The following ABCA4 variants were observed in gnomAD, a reference collection of about 807,000 sequenced individuals.
ABCA4 encodes retinal-specific phospholipid-transporting ATPase ABCA4.
ABCA4 carries 196 observed loss-of-function variants against 263.7 expected under a neutral mutation model. The ratio of observed to expected loss-of-function variants is 0.74; its 90% confidence interval spans 0.66 to 0.84. The LOEUF is 0.84. ABCA4 is among the 40% of genes least tolerant of loss of function. The pLI, the probability that ABCA4 is intolerant of heterozygous loss-of-function variation, is 0.00. For synonymous variants in ABCA4, 1,133 were observed against 1,094.2 expected (o/e 1.04, Z -0.70); for missense variants, 2,792 against 2,855.1 (o/e 0.98, Z 0.50).
At chr1:94,027,660 A>G (rs1249751529) in intron 30 of ABCA4, among the ~76,000 whole-genome samples, 2 of 152,214 alleles carry the variant, frequency 1.3e-5, no homozygotes, top group Non-Finnish European at 2.9e-5. Context: ...ACCATTTATA[A>G]ACCAGACTGT....
chr1:94,025,912 G>A (rs11165065), intron 30 of ABCA4, among the ~76,000 whole-genome samples: 38,970 of 152,152 alleles, frequency 0.26, 5,240 homozygotes, highest in Non-Finnish European at 0.3. Context: ...GCATACAGAT[G>A]ACACAGTTGA....
At chr1:93,998,900 G>A (rs1174758437) in intron 47 of ABCA4, among the ~76,000 whole-genome samples, 4 of 135,704 alleles carry the variant, frequency 2.9e-5, no homozygotes, top group African/African-American at 1.3e-4. Context: ...CACCACACTC[G>A]GCTAATTTTT....
chr1:93,999,621 C>T (rs1034774277), intron 47 of ABCA4, among the ~76,000 whole-genome samples: 1 of 152,146 alleles, frequency 6.6e-6, no homozygotes, highest in Non-Finnish European at 1.5e-5. Context: ...GGTGTCAGTA[C>T]CCTATGCCCT....
chr1:94,120,875 A>ACC, intron 1 of ABCA4, 105 bp downstream of exon 1: 18 of 758,280 alleles, frequency 2.4e-5, no homozygotes, highest in Admixed American at 2.3e-4. Flanking sequence ...ACTGCTCACA[A>ACC]CCCCCCACCC....
At chr1:94,111,368 A>T in intron 3 of ABCA4, 70 bp downstream of exon 3, 1 of 1,575,872 alleles carries the variant, frequency 6.3e-7, no homozygotes, top group Non-Finnish European at 8.7e-7. Flanking sequence ...CCGTGCACGC[A>T]CGTGTGCATT....
chr1:94,089,215 A>C (rs555092199), intron 6 of ABCA4, among the ~76,000 whole-genome samples: 2 of 152,322 alleles, frequency 1.3e-5, no homozygotes, highest in African/African-American at 4.8e-5. Flanking sequence ...AAATTATTTG[A>C]CTTTGAACAA....
rs61782235 is a variant in ABCA4, at chr1:94,004,495, C to T, written c.6147+946G>A. ...TATTTGTAGTTCTTCTCCCCCGCTC[C>T]ACCCTGCCCAAGAATGAGGATATAG... On this transcript the variant is annotated intron_variant, in intron 44 of 49. Transcript: ENST00000370225. Among the ~76,000 whole-genome samples the T allele has an allele frequency of 3.3e-3, 499 of 152,288 alleles. 4 individuals are homozygous for T. The highest frequency in any genetic ancestry group is 0.012 in the African/African-American group (485 of 41,560).
intron 4 of ABCA4, among the ~76,000 whole-genome samples, chr1:94,107,163 G>A (rs1662456620): frequency 6.6e-6 from 1 of 152,124 alleles, no homozygotes; most frequent in Admixed American, 6.5e-5. Context: ...ACCCCTTGGT[G>A]ACCCCTTTCT....
rs1461159480 is a variant in ABCA4 at position 94,040,062 on chromosome 1, A to C, written c.3588T>G (p.Thr1196=). The change falls in exon 24 of 50, where the codon ACT becomes ACG. Residue 1196 remains threonine (T), a synonymous_variant. Transcript: ENST00000370225. ...CCTTACCATCCAGGACTTGTTCTGG[A>C]GTTAGGTCATCGACGTGGGCTGGAC... The part of the protein sequence containing the change: ...TTCPAHVDDL[T]PEQVLDGDVN... 2 of 1,607,352 alleles carry C rather than the reference A, an allele frequency of 1.2e-6. No homozygotes were observed. Among genetic ancestry groups the C allele is most frequent in the Non-Finnish European group, 1.7e-6 (2 of 1,176,596 alleles).
Position 93,992,961 on chromosome 1 carries a change from G to A in ABCA4, c.*276C>T, listed in dbSNP as rs1658908940. On this transcript the variant is annotated 3_prime_UTR_variant, in exon 50 of 50. Transcript: ENST00000370225. The stretch of plus-strand genomic sequence containing the variant: ...AGCAATATGGAGGCCAAAGCTGCTA[G>A]TGGGATGGCCCGGGGTTTCTAGTTC... The A allele has an allele frequency of 1.9e-6, 1 of 527,154 alleles. No homozygotes were observed. The highest frequency in any genetic ancestry group is 2.2e-5 in the South Asian group (1 of 44,906). The allele number at this position is 527,154 out of a possible 1,614,324, so 32.7% of individuals were successfully genotyped here. A position where few individuals can be genotyped will look rare whatever the true frequency, so the allele number is the denominator to read the frequency against.
At chr1:94,076,372 G>A (rs901237428) in intron 11 of ABCA4, among the ~76,000 whole-genome samples, 6 of 152,210 alleles carry the variant, frequency 3.9e-5, no homozygotes, top group African/African-American at 1.4e-4. Context: ...GAGGCGAGTA[G>A]AAAAGTGAGG....
chr1:94,015,927 G>A (rs1557766203), intron 36 of ABCA4, 73 bp from the exon 37 acceptor site: 2 of 1,297,042 alleles, frequency 1.5e-6, no homozygotes, highest in South Asian at 2.5e-5. Flanking sequence ...ATGAGGGGTG[G>A]GGCCAGGCTC....
intron 24 of ABCA4, 81 bp downstream of exon 24, chr1:94,039,962 A>T (rs1047585970): frequency 8.2e-7 from 1 of 1,213,142 alleles, no homozygotes. Flanking sequence ...TCCCATTAAA[A>T]TGCATCACAA....
At position 94,048,930 on chromosome 1, in the gene ABCA4, A is replaced by G; in HGVS notation, c.2681T>C (p.Leu894Pro). ...CTCTGTTAGGGGCTCGGTCTTTTCC[A>G]GGGCTCTTTCTTCTCTGGTTGAACA... ...EGCSTREERA[L>P]EKTEPLTEET... is the part of the protein sequence containing the mutation. The change falls in exon 18 of 50, where the codon CTG becomes CCG. Residue 894 changes from leucine to proline, a missense_variant. Physicochemically the swap from Leu to Pro is moderately conservative, Grantham distance 98. Transcript: ENST00000370225. 6.2e-7 allele frequency: 1 copy of G among 1,613,928 alleles called. No individual in the cohort carries two copies.
chr1:94,020,623 G>C (rs1004158232), intron 35 of ABCA4, among the ~76,000 whole-genome samples: 1 of 152,198 alleles, frequency 6.6e-6, no homozygotes, highest in Non-Finnish European at 1.5e-5. Flanking sequence ...ATGACCCTGG[G>C]CATGTTCACT....
intron 12 of ABCA4, 142 bp from the exon 13 acceptor site, chr1:94,062,895 C>T: frequency 9.2e-7 from 1 of 1,087,896 alleles, no homozygotes. Context: ...ATTTCCTAGT[C>T]CTCAGTTTAA....
rs146314180 is a variant in ABCA4 at position 94,053,277 on chromosome 1, C to T, written c.2588-1579G>A. On this transcript the variant is annotated intron_variant, in intron 16 of 49. Transcript: ENST00000370225. Reference sequence around the variant, plus strand: ...CACATTTCCAGCTGGCATCTGAAGACGGGGAAGCCTTGTGGGACTGAACCC... The same window carrying T: ...CACATTTCCAGCTGGCATCTGAAGATGGGGAAGCCTTGTGGGACTGAACCC... Among the ~76,000 whole-genome samples the T allele has an allele frequency of 2.4e-3, 371 of 152,268 alleles. 1 individual carries two copies. The highest frequency in any genetic ancestry group is 4.5e-3 in the Admixed American group (69 of 15,296).
chr1:94,061,720 C>G (rs1661134519), intron 13 of ABCA4, among the ~76,000 whole-genome samples: 1 of 152,236 alleles, frequency 6.6e-6, no homozygotes, highest in South Asian at 2.1e-4. Flanking sequence ...GGCTTTCGCC[C>G]CTGGCTCCAT....
chr1:94,098,414 A>G (rs1662190363), intron 6 of ABCA4, among the ~76,000 whole-genome samples: 1 of 152,170 alleles, frequency 6.6e-6, no homozygotes, highest in Non-Finnish European at 1.5e-5. Flanking sequence ...TGTTTTATAG[A>G]TGAGTACTGG....
Sources: gnomAD v4.1 joint callset for allele counts (sites outside exome capture counted in the v4.1 genomes callset) on GRCh38, gnomAD v4.1.1 for gene constraint, MANE v1.5 for transcripts, NCBI Gene and HGNC (gene_info 2026-07-23, HGNC 2026-07-21) for gene names.